The following WHRN variants were observed in gnomAD, a reference collection of about 807,000 sequenced individuals.
WHRN encodes whirlin, also known as CASK-interacting protein CIP98.
WHRN carries 41 observed loss-of-function variants against 68.3 expected under a neutral mutation model. The observed-to-expected ratio is 0.60, with a 90% CI of 0.47 to 0.78. The LOEUF is 0.78. Among genes scored for constraint, WHRN ranks in the 30% least tolerant of loss-of-function variants. WHRN has a pLI of 0.00. For missense variants in WHRN, 1,243 were observed against 1,244.7 expected (o/e 1.00, Z 0.02); for synonymous variants, 560 against 561.3 (o/e 1.00, Z 0.03).
At chr9:114,453,897 C>T (rs1374674454) in intron 3 of WHRN, among the ~76,000 whole-genome samples, 1 of 152,100 alleles carries the variant, frequency 6.6e-6, no homozygotes, top group Non-Finnish European at 1.5e-5. Flanking sequence ...TTCATGAACA[C>T]AAATGGAAAT....
rs1489343925 is a variant in WHRN at position 114,406,526 on chromosome 9, G to A, written c.2065C>T (p.Leu689=). ...GTGGCCTCTGCAGAGGGGCTTTTCA[G>A]GTGCGGGGGTGACTGGACCCGTGGG... The part of the protein sequence containing the change: ...PFPRVQSPPH[L]KSPSAEATVA... Residue 689 remains leucine (L), a synonymous_variant, in exon 9 of 12, where the codon CTG becomes TTG. Transcript: ENST00000362057. The A allele has an allele frequency of 6.2e-7, 1 of 1,613,738 alleles. No homozygotes were observed. Among genetic ancestry groups the A allele is most frequent in the African/African-American group, 1.3e-5 (1 of 74,934 alleles).
At chr9:114,457,654 G>A (rs1162809035) in intron 3 of WHRN, among the ~76,000 whole-genome samples, 1 of 152,106 alleles carries the variant, frequency 6.6e-6, no homozygotes, top group South Asian at 2.1e-4. Context: ...GGGGGCTCAC[G>A]CCTGTAATCC....
chr9:114,471,967 C>T (rs35151727), intron 2 of WHRN, among the ~76,000 whole-genome samples: 25,784 of 152,240 alleles, frequency 0.17, 2,780 homozygotes, highest in Non-Finnish European at 0.24. Flanking sequence ...CAAGAGCCAA[C>T]AACAGGAAGG....
In WHRN at chr9:114,402,339, CCT is replaced by C. The variant is rs925138889; in HGVS notation, c.*413_*414del. The C allele has an allele frequency of 3.1e-5, 8 of 256,080 alleles. No homozygotes were observed. The highest frequency in any genetic ancestry group is 1.9e-4 in the South Asian group (4 of 21,148). 15.9% of individuals were successfully genotyped at this position (256,080 alleles called of 1,614,324 possible). ...GCACTAAAGGTCTTGCAAGATGCCCCCTGACTGGGGGCCGTGTCCATGAATTC... is the reference window on the plus strand; with the variant it reads ...GCACTAAAGGTCTTGCAAGATGCCCCGACTGGGGGCCGTGTCCATGAATTC... On this transcript the variant is annotated 3_prime_UTR_variant, in exon 12 of 12. Coordinates refer to ENST00000362057, the MANE Select transcript of WHRN (RefSeq NM_015404.4).
chr9:114,421,358 CT>C (rs1836267653), intron 7 of WHRN, among the ~76,000 whole-genome samples: 1 of 152,108 alleles, frequency 6.6e-6, no homozygotes, highest in Admixed American at 6.5e-5. Flanking sequence ...CCCCAGAGCC[CT>C]TGCCAGGCAA....
At chr9:114,419,460 C>A (rs1836088101) in intron 7 of WHRN, among the ~76,000 whole-genome samples, 1 of 152,176 alleles carries the variant, frequency 6.6e-6, no homozygotes, top group Non-Finnish European at 1.5e-5. Flanking sequence ...CTCAAGCAGT[C>A]AGCAGTCACA....
intron 3 of WHRN, among the ~76,000 whole-genome samples, chr9:114,465,378 T>C (rs1264970789): frequency 3.3e-5 from 5 of 152,210 alleles, no homozygotes; most frequent in Non-Finnish European, 7.3e-5. Flanking sequence ...ATCTAGTCAG[T>C]CACCAACAGT....
intron 1 of WHRN, among the ~76,000 whole-genome samples, chr9:114,486,926 G>T (rs1283680759): frequency 1.0e-4 from 6 of 58,638 alleles, no homozygotes; most frequent in African/African-American, 2.9e-4. Flanking sequence ...TGTGTGTGTA[G>T]AGTGTGTGTG....
chr9:114,407,668 G>A (rs1252209871), intron 8 of WHRN, among the ~76,000 whole-genome samples: 2 of 145,500 alleles, frequency 1.4e-5, no homozygotes, highest in Non-Finnish European at 3.1e-5. Context: ...CGGGGAAACT[G>A]AGGCACAGAG....
chr9:114,500,672 G>A (rs1224859257), intron 1 of WHRN, among the ~76,000 whole-genome samples: 2 of 152,228 alleles, frequency 1.3e-5, no homozygotes, highest in African/African-American at 4.8e-5. Context: ...GCTACCCTGT[G>A]TTCTGCTACC....
Position 114,504,753 on chromosome 9 carries a change from A to G in WHRN, c.49T>C (p.Ser17Pro), listed in dbSNP as rs918836104. The change falls in exon 1 of 12, where the codon TCG (serine) becomes CCG (proline). Residue 17 changes from serine (S) to proline (P), a missense_variant. Transcript: ENST00000362057. Reference protein sequence around the residue: ...GLSVSSSSTGSLGSAAGAGGG... With the variant: ...GLSVSSSSTGPLGSAAGAGGG... ...CCCGCCCCGGCCGCCGAGCCCAGCG[A>G]GCCGGTGGAGGACGAGCTCACCGAC... 4 of 1,508,388 alleles carry G rather than the reference A, an allele frequency of 2.7e-6. No individual in the cohort carries two copies. The Admixed American group carries it at 6.4e-5, about 24-fold the overall frequency. 93.4% of individuals were successfully genotyped at this position (1,508,388 alleles called of 1,614,324 possible).
intron 1 of WHRN, chr9:114,491,790 A>G (rs1381153046): frequency 3.7e-6 from 1 of 267,050 alleles, no homozygotes; most frequent in Admixed American, 4.9e-5. Context: ...GAGTGCCTGG[A>G]GCCAGTCCCA....
Position 114,406,682 on chromosome 9 carries a change from G to A in WHRN, c.1909C>T (p.Pro637Ser). The change falls in exon 9 of 12, where the codon CCA becomes TCA. Residue 637 changes from proline (P) to serine (S), a missense_variant. By Grantham distance (74) the Pro-to-Ser change is moderately conservative (BLOSUM62 -1). Transcript: ENST00000362057. Reference protein sequence around the residue: ...RSPPAGTAPTPGTSSAQDLPS... With the variant: ...RSPPAGTAPTSGTSSAQDLPS... ...AAGTCCTGTGCAGAGGAGGTCCCTGGGGTGGGTGCGGTGCCCGCTGGCGGG... is the reference window on the plus strand; with the variant it reads ...AAGTCCTGTGCAGAGGAGGTCCCTGAGGTGGGTGCGGTGCCCGCTGGCGGG... 1 of 1,614,056 alleles carries A rather than the reference G, an allele frequency of 6.2e-7. No individual in the cohort carries two copies. Among genetic ancestry groups the A allele is most frequent in the South Asian group, 1.1e-5 (1 of 91,080 alleles).
intron 3 of WHRN, among the ~76,000 whole-genome samples, chr9:114,429,598 G>GTT (rs1564144165): frequency 2.0e-5 from 3 of 152,154 alleles, no homozygotes; most frequent in Non-Finnish European, 4.4e-5. Context: ...AGAAGCCAGG[G>GTT]CCCCTGAGAA....
rs371086297 is a variant in WHRN at position 114,482,166 on chromosome 9, A to G, written c.619-3395T>C. ...AGAGACAAGGCATCATCTGGTGCAC[A>G]GTAGGTCCTCAATGATGCTTGCAGC... On this transcript the variant is annotated intron_variant, in intron 1 of 11. Transcript: ENST00000362057. 1.7e-4 allele frequency among the ~76,000 whole-genome samples: 26 copies of G among 152,280 alleles called. No individual in the cohort carries two copies. The East Asian group carries it at 2.9e-3, about 17-fold the overall frequency.
At chr9:114,459,978 A>G (rs1840112900) in intron 3 of WHRN, among the ~76,000 whole-genome samples, 2 of 152,200 alleles carry the variant, frequency 1.3e-5, no homozygotes, top group Non-Finnish European at 2.9e-5. Flanking sequence ...AGATTGGGAC[A>G]TTCATGAGAA....
chr9:114,455,893 C>T (rs1839748390), intron 3 of WHRN, among the ~76,000 whole-genome samples: 1 of 152,072 alleles, frequency 6.6e-6, no homozygotes, highest in Admixed American at 6.6e-5. Context: ...TGAGCCTAGC[C>T]TGCCTTAAAT....
At chr9:114,478,501 G>A (rs905024076) in intron 2 of WHRN, 52 bp downstream of exon 2, 6 of 1,599,772 alleles carry the variant, frequency 3.8e-6, no homozygotes, top group Non-Finnish European at 4.3e-6. Flanking sequence ...TCTGGGTTCG[G>A]AGGGAGAATA....
chr9:114,474,397 A>C (rs181607278), intron 2 of WHRN, among the ~76,000 whole-genome samples: 21 of 152,292 alleles, frequency 1.4e-4, no homozygotes, highest in Admixed American at 3.9e-4. Flanking sequence ...ATGCCCAGCA[A>C]GTCTCTGTTG....
Sources: allele counts gnomAD v4.1 joint callset (sites outside exome capture counted in the v4.1 genomes callset), GRCh38; gene constraint gnomAD v4.1.1; transcripts MANE v1.5; gene names NCBI Gene and HGNC (gene_info 2026-07-23, HGNC 2026-07-21).